The following PPP6R3 variants were observed in gnomAD, a reference collection of about 807,000 sequenced individuals.
The protein encoded by PPP6R3 is serine/threonine-protein phosphatase 6 regulatory subunit 3.
Under a neutral mutation model 110.7 loss-of-function variants are expected in PPP6R3, and 38 were observed. The observed-to-expected ratio is 0.34, with a 90% CI of 0.26 to 0.45. The LOEUF is 0.45. Ranked by LOEUF, PPP6R3 falls within the 20% of genes least tolerant of loss-of-function variation. PPP6R3 has a pLI of 1.00. For missense variants in PPP6R3, 870 were observed against 1,062.4 expected, an observed-to-expected ratio of 0.82 and a Z score of 2.52; for synonymous variants, 369 against 373.5, an observed-to-expected ratio of 0.99 and a Z score of 0.14.
At chr11:68,566,445 A>C (rs1423960613) in intron 9 of PPP6R3, among the ~76,000 whole-genome samples, 2 of 151,656 alleles carry the variant, frequency 1.3e-5, no homozygotes, top group Non-Finnish European at 2.9e-5. Context: ...CTGCAGCCTC[A>C]ACTTCCGCAG....
chr11:68,589,413 A>G (rs887599462), intron 16 of PPP6R3, among the ~76,000 whole-genome samples: 2 of 152,184 alleles, frequency 1.3e-5, no homozygotes, highest in Non-Finnish European at 2.9e-5. Context: ...AGTCAGGGTA[A>G]GAAGCAGAGA....
intron 8 of PPP6R3, among the ~76,000 whole-genome samples, chr11:68,559,780 G>A (rs1014865073): frequency 1.7e-5 from 2 of 118,784 alleles, no homozygotes; most frequent in South Asian, 4.9e-4. Context: ...CACCCCAGGG[G>A]TACAGTACCC....
intron 6 of PPP6R3, among the ~76,000 whole-genome samples, chr11:68,552,660 T>C (rs2099385735): frequency 6.6e-6 from 1 of 152,126 alleles, no homozygotes; most frequent in Non-Finnish European, 1.5e-5. Context: ...GTGATGACAG[T>C]GTGGCCTGTG....
At chr11:68,534,681 C>G (rs1041503474) in intron 2 of PPP6R3, among the ~76,000 whole-genome samples, 5 of 152,200 alleles carry the variant, frequency 3.3e-5, no homozygotes, top group African/African-American at 1.2e-4. Flanking sequence ...ATGCCAGATT[C>G]ACTTTTTTTC....
At chr11:68,564,510 G>C (rs770067913) in intron 9 of PPP6R3, 78 bp downstream of exon 9, 379 of 1,486,082 alleles carry the variant, frequency 2.6e-4, no homozygotes, top group Non-Finnish European at 3.4e-4. Context: ...ACGGGCCTTA[G>C]GAGTGGCAGA....
intron 6 of PPP6R3, among the ~76,000 whole-genome samples, chr11:68,553,797 T>G (rs1201562421): frequency 6.6e-6 from 1 of 152,194 alleles, no homozygotes; most frequent in African/African-American, 2.4e-5. Flanking sequence ...TCTGAAATGT[T>G]CCAGTGAGTA....
chr11:68,579,421 A>T (rs955790144), intron 14 of PPP6R3, among the ~76,000 whole-genome samples: 1 of 152,278 alleles, frequency 6.6e-6, no homozygotes, highest in Non-Finnish European at 1.5e-5. Context: ...AACTGTGTGC[A>T]CTACAACAAG....
intron 1 of PPP6R3, among the ~76,000 whole-genome samples, chr11:68,489,826 G>A (rs981111976): frequency 2.0e-5 from 3 of 151,560 alleles, no homozygotes; most frequent in Admixed American, 2.0e-4. Context: ...GCTTTTTTGC[G>A]ATAGTCTGGA....
intron 1 of PPP6R3, among the ~76,000 whole-genome samples, chr11:68,475,273 T>C (rs1208689841): frequency 6.6e-6 from 1 of 152,242 alleles, no homozygotes; most frequent in East Asian, 1.9e-4. Flanking sequence ...AGAAGAATTT[T>C]TCTTAGTACA....
At chr11:68,550,267 C>T (rs190793462) in intron 5 of PPP6R3, among the ~76,000 whole-genome samples, 321 of 152,280 alleles carry the variant, frequency 2.1e-3, no homozygotes, top group Non-Finnish European at 4.0e-3. Flanking sequence ...TTGGTGTTTT[C>T]GTTGAGCAGC....
chr11:68,488,118 CTT>C (rs1267794048), intron 1 of PPP6R3, among the ~76,000 whole-genome samples: 1 of 152,228 alleles, frequency 6.6e-6, no homozygotes, highest in African/African-American at 2.4e-5. Context: ...TAATACCTCT[CTT>C]TAGCCTTGAT....
At chr11:68,516,938 T>G (rs2099140217) in intron 1 of PPP6R3, among the ~76,000 whole-genome samples, 1 of 152,128 alleles carries the variant, frequency 6.6e-6, no homozygotes, top group Admixed American at 6.5e-5. Context: ...TTTTGTTTTC[T>G]GTTCTTGAGA....
rs1438729406 is a variant in PPP6R3, at chr11:68,601,865, C to T, written c.2195C>T (p.Thr732Ile). The change falls in exon 21 of 24, where the codon ACA becomes ATA. Residue 732 changes from threonine to isoleucine, a missense_variant and splice_region_variant. Thr to Ile is a moderately conservative substitution (Grantham distance 89, BLOSUM62 -1). Transcript: ENST00000393800. ...SFSEFTSSLS[T>I]KDSLRSNSPV... ...CTGAATTTTCTCTTTTTTGAAAGCA[C>T]AAAAGATTCTTTAAGGAGTAATTCT... 2.5e-6 allele frequency: 4 copies of T among 1,610,244 alleles called. No individual in the cohort carries two copies. The highest frequency in any genetic ancestry group is 1.3e-5 in the African/African-American group (1 of 74,868).
intron 1 of PPP6R3, among the ~76,000 whole-genome samples, chr11:68,487,013 T>A (rs2153416421): frequency 6.6e-6 from 1 of 152,302 alleles, no homozygotes; most frequent in South Asian, 2.1e-4. Context: ...CTGATTTTAT[T>A]GTTGTTTCCT....
chr11:68,538,858 G>A (rs915005199), intron 3 of PPP6R3, among the ~76,000 whole-genome samples: 1 of 152,226 alleles, frequency 6.6e-6, no homozygotes, highest in Non-Finnish European at 1.5e-5. Context: ...GGTGGCTCAT[G>A]CCTGTAATCC....
At chr11:68,528,107 T>C (rs2099210560) in intron 2 of PPP6R3, among the ~76,000 whole-genome samples, 3 of 152,190 alleles carry the variant, frequency 2.0e-5, no homozygotes, top group Admixed American at 6.5e-5. Flanking sequence ...TTTCAAGGCT[T>C]TAGGGACCAT....
At chr11:68,573,114 T>TTATATATATATA (rs60848718) in intron 12 of PPP6R3, among the ~76,000 whole-genome samples, 2,062 of 61,228 alleles carry the variant, frequency 0.034, 75 homozygotes, top group Non-Finnish European at 0.037. Flanking sequence ...TTTACTTATT[T>TTATATATATATA]TATATATATA....
At chr11:68,566,669 T>C (rs1245687293) in intron 9 of PPP6R3, among the ~76,000 whole-genome samples, 6 of 152,184 alleles carry the variant, frequency 3.9e-5, no homozygotes, top group African/African-American at 1.4e-4. Flanking sequence ...CCATAACTTC[T>C]TTTAGTTTAG....
chr11:68,544,733 T>G, intron 3 of PPP6R3, 105 bp from the exon 4 acceptor site: 1 of 744,036 alleles, frequency 1.3e-6, no homozygotes, highest in Non-Finnish European at 2.0e-6. Context: ...CAGTAAACGA[T>G]TTTATTTTTT....
Sources: gnomAD v4.1 joint callset for allele counts (sites outside exome capture counted in the v4.1 genomes callset) on GRCh38, gnomAD v4.1.1 for gene constraint, MANE v1.5 for transcripts, NCBI Gene and HGNC (gene_info 2026-07-23, HGNC 2026-07-21) for gene names.